LRRC49: variants seen among roughly 807,000 people sequenced by gnomAD.
LRRC49 encodes the protein leucine-rich repeat-containing protein 49.
LRRC49 carries 50 observed loss-of-function variants against 83.3 expected under a neutral mutation model. The ratio of observed to expected loss-of-function variants is 0.60; its 90% CI spans 0.48 to 0.76. The LOEUF is 0.76. Among genes scored for constraint, LRRC49 ranks in the 30% least tolerant of loss-of-function variants. The probability of loss-of-function intolerance (pLI) is 0.00; values close to 1 mark genes in which losing one functional copy is unlikely to be tolerated. For synonymous variants in LRRC49, 286 were observed against 283.3 expected (o/e 1.01, Z -0.10); for missense variants, 704 against 809.1 (o/e 0.87, Z 1.58).
Position 71,008,478 on chromosome 15 carries a change from A to G in LRRC49, c.1269A>G (p.Ser423=), listed in dbSNP as rs760767280. 4.3e-6 allele frequency: 7 copies of G among 1,612,854 alleles called. No homozygotes were observed. The highest frequency in any genetic ancestry group is 5.9e-6 in the Non-Finnish European group (7 of 1,179,230). ...GGGATACACTTTCCCTATATGGCTC[A>G]GGAGCACTGGAATCTCTGGATAGGA... is the stretch of plus-strand genomic sequence containing the variant. ...VDGDTLSLYG[S]GALESLDRNW... The change falls in exon 12 of 16, where the codon TCA becomes TCG. Residue 423 remains serine (S), a synonymous_variant. Coordinates refer to ENST00000260382, the MANE Select transcript of LRRC49 (RefSeq NM_017691.5).
intron 1 of LRRC49, among the ~76,000 whole-genome samples, chr15:70,856,735 A>G (rs2032663796): frequency 6.6e-6 from 1 of 152,172 alleles, no homozygotes; most frequent in Non-Finnish European, 1.5e-5. Context: ...AGTGAGTCCC[A>G]GTGAGGCTTA....
At chr15:71,012,525 G>A (rs1363073065) in intron 13 of LRRC49, among the ~76,000 whole-genome samples, 1 of 151,664 alleles carries the variant, frequency 6.6e-6, no homozygotes, top group African/African-American at 2.4e-5. Flanking sequence ...AAAATTGAAG[G>A]TACCTCAAGT....
intron 9 of LRRC49, among the ~76,000 whole-genome samples, chr15:70,976,516 G>A (rs2141216434): frequency 6.6e-6 from 1 of 152,150 alleles, no homozygotes; most frequent in South Asian, 2.1e-4. Flanking sequence ...TCTTTTTCTT[G>A]TGTGATATGT....
chr15:71,039,838 A>G (rs964423703), intron 15 of LRRC49, among the ~76,000 whole-genome samples: 12 of 152,218 alleles, frequency 7.9e-5, no homozygotes, highest in African/African-American at 2.9e-4. Context: ...AAATCTACCA[A>G]CTTTTTAAGA....
At chr15:70,930,751 T>C (rs1276470627) in intron 7 of LRRC49, among the ~76,000 whole-genome samples, 1 of 152,226 alleles carries the variant, frequency 6.6e-6, no homozygotes, top group East Asian at 1.9e-4. Flanking sequence ...CACTTGCTGC[T>C]ACTTCACCTT....
chr15:70,963,312 C>T lies in LRRC49; in HGVS notation c.774-473C>T, dbSNP rs946499486. ...AAAAAAAAAAAGTAGGTATCTTAAC[C>T]CCCATCTAATCATGAGAAAAATATC... On this transcript the variant is annotated intron_variant, in intron 8 of 15. Transcript: ENST00000260382. Among the ~76,000 whole-genome samples the T allele has an allele frequency of 2.0e-5, 3 of 151,016 alleles. No homozygotes were observed. In the East Asian group the frequency reaches 5.8e-4, roughly 29 times the overall value.
chr15:70,969,932 A>G (rs1012663731), intron 9 of LRRC49, among the ~76,000 whole-genome samples: 1 of 152,170 alleles, frequency 6.6e-6, no homozygotes, highest in East Asian at 1.9e-4. Context: ...AACAGAGATA[A>G]TCTGACTCCT....
chr15:70,924,007 A>G (rs1356168235), intron 7 of LRRC49, among the ~76,000 whole-genome samples: 2 of 151,928 alleles, frequency 1.3e-5, no homozygotes, highest in African/African-American at 2.4e-5. Flanking sequence ...GGATTTTGCC[A>G]TTTGTCCCAA....
At position 70,980,196 on chromosome 15, in the gene LRRC49, GATGTCTACATGGATGTGTGTGCACAC is replaced by G. The variant is rs781027278; in HGVS notation, c.1005+13_1005+38del. On this transcript the variant is annotated intron_variant, in intron 10 of 15. Transcript: ENST00000260382. ...AATCTTTGCTTAAGGTATTTTCTCT[GATGTCTACATGGATGTGTGTGCACAC>G]GTAGACACACATACCCCAAAGCCAG... is the stretch of plus-strand genomic sequence containing the variant. The G allele has an allele frequency of 1.3e-6, 2 of 1,594,610 alleles. No individual in the cohort carries two copies. Among genetic ancestry groups the G allele is most frequent in the Non-Finnish European group, 1.7e-6 (2 of 1,164,500 alleles).
At chr15:70,950,526 T>A (rs1193377927) in intron 8 of LRRC49, among the ~76,000 whole-genome samples, 1 of 152,196 alleles carries the variant, frequency 6.6e-6, no homozygotes, top group Non-Finnish European at 1.5e-5. Context: ...GATATGAGCA[T>A]TTTTTCATAT....
chr15:71,029,529 A>G (rs144275735), intron 14 of LRRC49, among the ~76,000 whole-genome samples: 1,662 of 152,232 alleles, frequency 0.011, 31 homozygotes, highest in African/African-American at 0.037. Flanking sequence ...GTGGATGTCT[A>G]TTAGGTTCGC....
At chr15:70,873,429 T>A (rs1264530959) in intron 2 of LRRC49, among the ~76,000 whole-genome samples, 1 of 152,192 alleles carries the variant, frequency 6.6e-6, no homozygotes, top group Non-Finnish European at 1.5e-5. Flanking sequence ...TATCAGGTAG[T>A]GCTTGCTGCA....
At chr15:70,956,234 A>C (rs2036395938) in intron 8 of LRRC49, among the ~76,000 whole-genome samples, 1 of 152,192 alleles carries the variant, frequency 6.6e-6, no homozygotes, top group South Asian at 2.1e-4. Context: ...TTTATTAAGT[A>C]AGCATAAAAT....
intron 2 of LRRC49, among the ~76,000 whole-genome samples, chr15:70,878,761 GT>G (rs1252856672): frequency 6.6e-6 from 1 of 152,148 alleles, no homozygotes; most frequent in Non-Finnish European, 1.5e-5. Flanking sequence ...ACATTGATTG[GT>G]TGTTGAATGT....
At chr15:70,950,460 C>A (rs1567066316) in intron 8 of LRRC49, among the ~76,000 whole-genome samples, 1 of 151,012 alleles carries the variant, frequency 6.6e-6, no homozygotes, top group Non-Finnish European at 1.5e-5. Context: ...AGTATTCTCC[C>A]TTTTCACCAG....
upstream of LRRC49, chr15:70,892,170 G>A (rs1378211040): frequency 6.2e-7 from 1 of 1,611,922 alleles, no homozygotes; most frequent in Non-Finnish European, 8.5e-7. Context: ...CGCACGAAGC[G>A]GTCCCAGAGC....
upstream of LRRC49, among the ~76,000 whole-genome samples, chr15:70,890,254 A>G (rs1364704549): frequency 1.3e-5 from 2 of 151,608 alleles, no homozygotes; most frequent in Non-Finnish European, 2.9e-5. Context: ...TGCTACACAC[A>G]TATATATGTA....
intron 14 of LRRC49, among the ~76,000 whole-genome samples, chr15:71,030,707 G>T (rs889243121): frequency 6.6e-6 from 1 of 151,974 alleles, no homozygotes; most frequent in African/African-American, 2.4e-5. Context: ...TGGAGGCTTT[G>T]TTCATTCCTT....
intron 1 of LRRC49, 192 bp downstream of exon 1, chr15:70,893,134 C>T (rs1184977656): frequency 9.3e-6 from 6 of 648,156 alleles, no homozygotes; most frequent in African/African-American, 1.8e-5. Context: ...TACTCAAAGT[C>T]TTGTCCAGGA....
Sources: allele counts gnomAD v4.1 joint callset (sites outside exome capture counted in the v4.1 genomes callset), GRCh38; gene constraint gnomAD v4.1.1; transcripts MANE v1.5; gene names NCBI Gene and HGNC (gene_info 2026-07-23, HGNC 2026-07-21).